Variants in ATM observed in about 807,000 individuals in gnomAD.
The protein encoded by ATM is serine-protein kinase ATM.
ATM carries 308 observed loss-of-function variants against 387.0 expected under a neutral mutation model. The observed-to-expected ratio is 0.80, with a 90% CI of 0.73 to 0.87. The LOEUF (loss-of-function observed/expected upper bound fraction) is 0.87. Among genes scored for constraint, ATM ranks in the 40% least tolerant of loss-of-function variants. The pLI, the probability that ATM is intolerant of heterozygous loss-of-function variation, is 0.00. For missense variants in ATM, 3,312 were observed against 3,560.9 expected, an observed-to-expected ratio of 0.93 and a Z score of 1.78; for synonymous variants, 1,156 against 1,187.3, an observed-to-expected ratio of 0.97 and a Z score of 0.54.
chr11:108,242,485 A>G (rs2079610341), intron 5 of ATM, among the ~76,000 whole-genome samples: 1 of 152,198 alleles, frequency 6.6e-6, no homozygotes, highest in Admixed American at 6.5e-5. Context: ...ATTGGAAAGG[A>G]AGAAATAACA....
At chr11:108,267,585 A>G (rs2081330566) in intron 17 of ATM, among the ~76,000 whole-genome samples, 2 of 152,104 alleles carry the variant, frequency 1.3e-5, no homozygotes. Context: ...CAGGCCAGGC[A>G]TGGTGGCTCA....
At chr11:108,237,899 G>GTTT (rs369161623) in intron 5 of ATM, among the ~76,000 whole-genome samples, 104 of 91,956 alleles carry the variant, frequency 1.1e-3, no homozygotes, top group African/African-American at 2.4e-3. Context: ...ATTTACTTAG[G>GTTT]TTTTTTTTTT....
chr11:108,251,261 C>A (rs2080133888), intron 10 of ATM, among the ~76,000 whole-genome samples, 189 bp downstream of exon 10: 1 of 152,112 alleles, frequency 6.6e-6, no homozygotes, highest in Admixed American at 6.5e-5. Flanking sequence ...CAAATGTTGA[C>A]AAATTATTAA....
At chr11:108,259,472 C>T (rs901884513) in intron 16 of ATM, among the ~76,000 whole-genome samples, 3 of 151,710 alleles carry the variant, frequency 2.0e-5, no homozygotes, top group African/African-American at 4.8e-5. Context: ...GGCGACAGAG[C>T]GAGACTCCAT....
chr11:108,243,081 G>C (rs1348968936), intron 5 of ATM, among the ~76,000 whole-genome samples: 1 of 151,932 alleles, frequency 6.6e-6, no homozygotes, highest in Non-Finnish European at 1.5e-5. Context: ...AGTTGGGTGT[G>C]GTGGTGTGGG....
At chr11:108,279,106 C>T (rs925403320) in intron 22 of ATM, among the ~76,000 whole-genome samples, 17 of 152,158 alleles carry the variant, frequency 1.1e-4, no homozygotes, top group African/African-American at 2.2e-4. Context: ...TTAACTTACC[C>T]GCTTTCAGAG....
chr11:108,301,561 T>A, intron 34 of ATM, 87 bp from the exon 35 acceptor site: 1 of 1,537,332 alleles, frequency 6.5e-7, no homozygotes, highest in Non-Finnish European at 8.9e-7. Flanking sequence ...TTTTAAATTT[T>A]AGTTTTGAAA....
chr11:108,251,396 T>G (rs2080142208), intron 10 of ATM, among the ~76,000 whole-genome samples: 2 of 152,218 alleles, frequency 1.3e-5, no homozygotes, highest in South Asian at 4.1e-4. Flanking sequence ...TGTAGGGTGA[T>G]GGGATATCAG....
At chr11:108,274,365 C>G (rs1294022563) in intron 22 of ATM, among the ~76,000 whole-genome samples, 1 of 151,950 alleles carries the variant, frequency 6.6e-6, no homozygotes. Flanking sequence ...GTGTCTCTAT[C>G]TCCTTCACTC....
At chr11:108,240,735 G>T (rs1368257742) in intron 5 of ATM, among the ~76,000 whole-genome samples, 1 of 152,138 alleles carries the variant, frequency 6.6e-6, no homozygotes. Flanking sequence ...ACTGGAAGTT[G>T]CTCTGGGTAT....
rs1555070941 is a variant in ATM at position 108,250,896 on chromosome 11, G to A, written c.1431G>A (p.Lys477=). Residue 477 remains lysine, a synonymous_variant, in exon 10 of 63, where the codon AAG becomes AAA. Transcript: ENST00000675843. ...GGTCAAACCTAGAAAGCTCACAAAA[G>A]TCAGATTTATTAAAACTCTGGAATA... The part of the protein sequence containing the change: ...DKRSNLESSQ[K]SDLLKLWNKI... The A allele has an allele frequency of 6.2e-7, 1 of 1,614,082 alleles. No homozygotes were observed. Among genetic ancestry groups the A allele is most frequent in the Non-Finnish European group, 8.5e-7 (1 of 1,180,010 alleles).
At chr11:108,336,047 A>G in intron 56 of ATM, 86 bp downstream of exon 56, 2 of 1,068,002 alleles carry the variant, frequency 1.9e-6, no homozygotes, top group Non-Finnish European at 2.9e-6. Flanking sequence ...CCATATTCAT[A>G]ATGCTTTGGG....
chr11:108,306,547 A>C (rs2083701613), intron 37 of ATM, among the ~76,000 whole-genome samples: 1 of 152,188 alleles, frequency 6.6e-6, no homozygotes, highest in Non-Finnish European at 1.5e-5. Flanking sequence ...TTTCATGTTT[A>C]TCACTTATGT....
rs760228732 is a variant in ATM at position 108,320,071 on chromosome 11, G to A, written c.6452+13G>A. On this transcript the variant is annotated intron_variant, in intron 44 of 62. Transcript: ENST00000675843. The stretch of plus-strand genomic sequence containing the variant: ...TCAAATATGCCAGGTATTATGAAAA[G>A]ACAAAGTTACTGTATTTTAACATTT... The A allele has an allele frequency of 1.3e-6, 2 of 1,539,300 alleles. No individual in the cohort carries two copies. Among genetic ancestry groups the A allele is most frequent in the Non-Finnish European group, 9.0e-7 (1 of 1,112,566 alleles).
chr11:108,264,038 AT>A (rs2081069442), intron 16 of ATM, among the ~76,000 whole-genome samples: 1 of 150,690 alleles, frequency 6.6e-6, no homozygotes, highest in Non-Finnish European at 1.5e-5. Context: ...TCACAGCCGA[AT>A]TCTACCAGAG....
Position 108,345,645 on chromosome 11 carries a change from A to G in ATM, c.8419-98A>G. 3.0e-6 allele frequency: 3 copies of G among 999,628 alleles called. No homozygotes were observed. In the South Asian group the frequency reaches 5.5e-5, roughly 18 times the overall value. 61.9% of individuals were successfully genotyped at this position (999,628 alleles called of 1,614,324 possible). A position where few individuals can be genotyped will look rare whatever the true frequency, so the allele number is the denominator to read the frequency against. ...TAGGTAATGTATCCTGTTCATCTTT[A>G]TTGCCCCTATATCTGTCATATTTTT... On this transcript the variant is annotated intron_variant, in intron 57 of 62. Coordinates refer to ENST00000675843, the MANE Select transcript of ATM (RefSeq NM_000051.4).
In ATM at chr11:108,283,920, C is replaced by G. The variant is rs185124502; in HGVS notation, c.3747-307C>G. Among the ~76,000 whole-genome samples the G allele has an allele frequency of 3.0e-4, 46 of 152,216 alleles. No individual in the cohort carries two copies. In the East Asian group the frequency reaches 6.6e-3, roughly 22 times the overall value. The stretch of plus-strand genomic sequence containing the variant: ...TATGCAGAAGAAATAAATATAAATT[C>G]AAGTCTCCATTTTTATTTGTTTATT... On this transcript the variant is annotated intron_variant, in intron 25 of 62. Transcript: ENST00000675843.
chr11:108,365,379 A>G lies in ATM; in HGVS notation c.9042A>G (p.Gln3014=), dbSNP rs1060504291. ...CTGAACGTGTCTTAATGAGACTACA[A>G]GAGAAACTGAAAGGAGTGGAAGAAG... ...KVAERVLMRL[Q]EKLKGVEEGT... Residue 3014 remains glutamine, a synonymous_variant, in exon 63 of 63, where the codon CAA becomes CAG. Transcript: ENST00000675843. 1.2e-6 allele frequency: 2 copies of G among 1,614,172 alleles called. No homozygotes were observed. The highest frequency in any genetic ancestry group is 1.7e-5 in the Admixed American group (1 of 60,022).
chr11:108,317,282 TA>T, intron 42 of ATM, 90 bp from the exon 43 acceptor site: 2 of 1,373,854 alleles, frequency 1.5e-6, no homozygotes, highest in Non-Finnish European at 2.0e-6. Context: ...AAAATTTGTC[TA>T]AGTTAATTTG....
Sources: gnomAD v4.1 joint callset for allele counts (sites outside exome capture counted in the v4.1 genomes callset) on GRCh38, gnomAD v4.1.1 for gene constraint, MANE v1.5 for transcripts, NCBI Gene and HGNC (gene_info 2026-07-23, HGNC 2026-07-21) for gene names.